The following LMO7 variants were observed in gnomAD, a reference collection of about 807,000 sequenced individuals.
LMO7 encodes the protein LIM domain 7, also known as LIM domain only protein 7.
Under a neutral mutation model 206.5 loss-of-function variants are expected in LMO7, and 120 were observed. That is an observed-to-expected ratio of 0.58 (90% CI 0.50 to 0.68). The LOEUF (loss-of-function observed/expected upper bound fraction) is 0.68, where lower values mean the gene tolerates loss of function less well. Among genes scored for constraint, LMO7 ranks in the 30% least tolerant of loss-of-function variants. LMO7 has a pLI of 0.00. For synonymous variants in LMO7, 706 were observed against 681.5 expected (o/e 1.04, Z -0.56); for missense variants, 1,959 against 1,957.9 (o/e 1.00, Z -0.01).
intron 1 of LMO7, among the ~76,000 whole-genome samples, chr13:75,706,320 G>A (rs918358089): frequency 6.6e-6 from 1 of 152,100 alleles, no homozygotes. Flanking sequence ...CTATAAAATT[G>A]TGCTTTCTTT....
At chr13:75,753,946 A>G (rs573571226) in intron 3 of LMO7, among the ~76,000 whole-genome samples, 3 of 152,338 alleles carry the variant, frequency 2.0e-5, no homozygotes, top group African/African-American at 7.2e-5. Context: ...CCCAGGCTTC[A>G]GCACTATATA....
intron 15 of LMO7, among the ~76,000 whole-genome samples, chr13:75,824,992 T>C (rs1252149600): frequency 1.3e-5 from 2 of 152,100 alleles, no homozygotes; most frequent in Non-Finnish European, 2.9e-5. Flanking sequence ...CTTGAGAAAA[T>C]TTGGAAATGC....
chr13:75,657,272 T>C (rs2038146679), intron 1 of LMO7, among the ~76,000 whole-genome samples: 1 of 152,194 alleles, frequency 6.6e-6, no homozygotes, highest in Admixed American at 6.5e-5. Context: ...TGTGAAATAA[T>C]AAATTTCTGT....
chr13:75,799,022 C>T (rs112101958), intron 6 of LMO7, among the ~76,000 whole-genome samples: 8 of 152,342 alleles, frequency 5.3e-5, no homozygotes, highest in African/African-American at 1.2e-4. Flanking sequence ...GCAGCACCAG[C>T]GCTAGGCCTG....
At chr13:75,829,152 T>C (rs1356415774) in intron 15 of LMO7, among the ~76,000 whole-genome samples, 1 of 151,646 alleles carries the variant, frequency 6.6e-6, no homozygotes, top group Non-Finnish European at 1.5e-5. Flanking sequence ...GGCTGGAGAC[T>C]AAGGAACAAA....
chr13:75,815,266 G>A (rs2056859325), intron 11 of LMO7, among the ~76,000 whole-genome samples: 1 of 152,142 alleles, frequency 6.6e-6, no homozygotes, highest in Non-Finnish European at 1.5e-5. Context: ...TGATCATCCA[G>A]GTAGGAGTCA....
At chr13:75,811,990 A>G (rs1453923282) in intron 11 of LMO7, among the ~76,000 whole-genome samples, 1 of 152,196 alleles carries the variant, frequency 6.6e-6, no homozygotes, top group Non-Finnish European at 1.5e-5. Flanking sequence ...AAGGCTTATG[A>G]CAGCAAAAAA....
intron 1 of LMO7, among the ~76,000 whole-genome samples, chr13:75,673,733 G>A (rs890955527): frequency 3.9e-5 from 6 of 152,030 alleles, no homozygotes; most frequent in Admixed American, 6.6e-5. Context: ...TGTTTATACT[G>A]TAATTTAAAA....
chr13:75,842,308 C>G (rs2059615045), intron 24 of LMO7, among the ~76,000 whole-genome samples: 1 of 152,078 alleles, frequency 6.6e-6, no homozygotes. Context: ...CTGTTTCTTC[C>G]TTGAAAATAC....
chr13:75,706,438 G>T (rs185422423), intron 1 of LMO7, among the ~76,000 whole-genome samples: 1 of 152,194 alleles, frequency 6.6e-6, no homozygotes, highest in East Asian at 1.9e-4. Flanking sequence ...CAGATTTTTC[G>T]AGTTATTGAG....
intron 11 of LMO7, among the ~76,000 whole-genome samples, chr13:75,811,944 C>T (rs540667973): frequency 6.6e-6 from 1 of 152,212 alleles, no homozygotes; most frequent in East Asian, 1.9e-4. Flanking sequence ...CCACATTTCA[C>T]TTATGGGTTT....
At chr13:75,690,349 A>G in intron 1 of LMO7, among the ~76,000 whole-genome samples, 1 of 151,972 alleles carries the variant, frequency 6.6e-6, no homozygotes. Flanking sequence ...ATCTGCCTAC[A>G]CTAGGCTTTC....
At chr13:75,783,158 G>T (rs939414429) in intron 4 of LMO7, among the ~76,000 whole-genome samples, 1 of 152,150 alleles carries the variant, frequency 6.6e-6, no homozygotes, top group Non-Finnish European at 1.5e-5. Context: ...GTATTTTACA[G>T]CATATACATA....
chr13:75,705,589 T>C (rs2042593909), intron 1 of LMO7, among the ~76,000 whole-genome samples: 1 of 152,252 alleles, frequency 6.6e-6, no homozygotes, highest in African/African-American at 2.4e-5. Flanking sequence ...TCTCTATTTA[T>C]GTGGTTCCTA....
rs1411849529 is a variant in LMO7, at chr13:75,853,133, C to A, written c.4406C>A (p.Ser1469Tyr). Residue 1469 changes from serine (S) to tyrosine (Y), a missense_variant, in exon 28 of 31, where the codon TCT becomes TAT. Ser to Tyr is a moderately radical substitution (Grantham distance 144). Coordinates refer to ENST00000377534, the MANE Select transcript of LMO7 (RefSeq NM_001306080.2). ...AACCTGGACTCCCCCCGATCCAATT[C>A]TTGGAGACAGCCTCCTTGGCTCAAT... ...LDNLDSPRSN[S>Y]WRQPPWLNQP... The A allele has an allele frequency of 1.7e-5, 27 of 1,613,202 alleles. No individual in the cohort carries two copies. The highest frequency in any genetic ancestry group is 2.2e-5 in the Non-Finnish European group (26 of 1,179,600).
chr13:75,725,298 T>C (rs1324378899), intron 2 of LMO7, among the ~76,000 whole-genome samples: 3 of 152,256 alleles, frequency 2.0e-5, no homozygotes, highest in South Asian at 2.1e-4. Flanking sequence ...TGCCAGACTT[T>C]CCTGACATTT....
intron 1 of LMO7, among the ~76,000 whole-genome samples, chr13:75,646,646 C>T (rs929088519): frequency 2.0e-5 from 3 of 151,748 alleles, no homozygotes; most frequent in Non-Finnish European, 2.9e-5. Context: ...TGCAATGGCA[C>T]GATCTCGGCT....
chr13:75,836,515 T>C, intron 19 of LMO7, 58 bp downstream of exon 19: 1 of 874,732 alleles, frequency 1.1e-6, no homozygotes, highest in Non-Finnish European at 1.8e-6. Context: ...AGCACTCAAG[T>C]TCTGCTGTTA....
intron 1 of LMO7, among the ~76,000 whole-genome samples, chr13:75,659,084 T>C (rs1317708994): frequency 6.6e-6 from 1 of 152,168 alleles, no homozygotes; most frequent in Non-Finnish European, 1.5e-5. Context: ...GTCAGCATCT[T>C]TAGCATTATG....
Sources: allele counts gnomAD v4.1 joint callset (sites outside exome capture counted in the v4.1 genomes callset), GRCh38; gene constraint gnomAD v4.1.1; transcripts MANE v1.5; gene names NCBI Gene and HGNC (gene_info 2026-07-23, HGNC 2026-07-21).